Variants in FRMD1 observed in about 807,000 individuals in gnomAD.
FRMD1 encodes the protein FERM domain containing 1.
In FRMD1, 51 loss-of-function variants were observed where a neutral mutation model predicts 54.9. That is an observed-to-expected ratio of 0.93 (90% CI 0.74 to 1.17). The LOEUF (loss-of-function observed/expected upper bound fraction) is 1.17. FRMD1 is among the 50% of genes most tolerant of loss of function. The probability of loss-of-function intolerance (pLI) is 0.00; values close to 1 mark genes in which losing one functional copy is unlikely to be tolerated. For missense variants in FRMD1, 729 were observed against 743.0 expected (o/e 0.98, Z 0.22); for synonymous variants, 324 against 306.4 (o/e 1.06, Z -0.60).
At chr6:168,065,466 C>T (rs1799981055) in intron 4 of FRMD1, 7 of 1,000,600 alleles carry the variant, frequency 7.0e-6, no homozygotes, top group Admixed American at 1.2e-4. Flanking sequence ...GAGCTCACCG[C>T]CCAGCACGGG....
At chr6:168,080,737 G>A (rs534334086), upstream of FRMD1, among the ~76,000 whole-genome samples, 15 of 152,222 alleles carry the variant, frequency 9.9e-5, no homozygotes, top group Admixed American at 8.5e-4. Context: ...GGGGAGAGCC[G>A]GGGACACGGT....
intron 1 of FRMD1, among the ~76,000 whole-genome samples, chr6:168,088,744 C>G (rs1185101419): frequency 6.6e-6 from 1 of 152,078 alleles, no homozygotes; most frequent in Non-Finnish European, 1.5e-5. Context: ...CCCAGGCTAC[C>G]CTCTTACTGC....
At chr6:168,082,663 G>C (rs551763851), upstream of FRMD1, among the ~76,000 whole-genome samples, 1 of 152,148 alleles carries the variant, frequency 6.6e-6, no homozygotes, top group Admixed American at 6.5e-5. Flanking sequence ...CAGGATTCCC[G>C]AGACCCACCG....
At position 168,059,289 on chromosome 6, in the gene FRMD1, C is replaced by T. The variant is rs905087009; in HGVS notation, c.1343-101G>A. On this transcript the variant is annotated intron_variant, in intron 9 of 10. Coordinates refer to ENST00000283309, the MANE Select transcript of FRMD1 (RefSeq NM_024919.6). The surrounding 1 kb of genome is among the most constrained non-coding windows in gnomAD (Gnocchi z 4.4). ...CACTTCTGGGGCCCTGGTCTCGGAC[C>T]GGCATCTCCTGAGGCTCACACCGCC... The T allele has an allele frequency of 4.2e-5, 41 of 976,782 alleles. No individual in the cohort carries two copies. Among genetic ancestry groups the T allele is most frequent in the Non-Finnish European group, 5.2e-5 (34 of 651,862 alleles). 60.5% of individuals were successfully genotyped at this position (976,782 alleles called of 1,614,324 possible).
At chr6:168,067,175 G>A (rs967173329) in intron 3 of FRMD1, 192 bp downstream of exon 3, 28 of 689,410 alleles carry the variant, frequency 4.1e-5, no homozygotes, top group African/African-American at 1.4e-4. Context: ...AGTCCACCGC[G>A]GTGCCTGCCC....
intron 2 of FRMD1, among the ~76,000 whole-genome samples, chr6:168,075,019 G>C (rs1800515908): frequency 6.6e-6 from 1 of 150,976 alleles, no homozygotes; most frequent in South Asian, 2.1e-4. Flanking sequence ...TGTGGTGTGT[G>C]CATGTGTACA....
intron 2 of FRMD1, among the ~76,000 whole-genome samples, chr6:168,068,708 C>A (rs958312923): frequency 1.3e-5 from 2 of 152,332 alleles, no homozygotes; most frequent in East Asian, 1.9e-4. Flanking sequence ...AACCTGCAGT[C>A]CTGAGAATAA....
upstream of FRMD1, among the ~76,000 whole-genome samples, chr6:168,085,134 G>A (rs1352143403): frequency 1.3e-5 from 2 of 152,232 alleles, no homozygotes; most frequent in Non-Finnish European, 2.9e-5. Flanking sequence ...GGTTGGCCCC[G>A]AATAGAGTCC....
chr6:168,075,419 G>T, intron 1 of FRMD1, 84 bp from the exon 2 acceptor site: 1 of 1,099,416 alleles, frequency 9.1e-7, no homozygotes, highest in Non-Finnish European at 1.4e-6. Flanking sequence ...GCCCAGCGGG[G>T]CACCAGGTGG....
At chr6:168,062,786 G>C (rs770624285) in intron 7 of FRMD1, 108 bp downstream of exon 7, 3 of 1,601,560 alleles carry the variant, frequency 1.9e-6, no homozygotes, top group Non-Finnish European at 2.6e-6. Context: ...GCCAGCCAGC[G>C]CCCATGACCG....
chr6:168,089,835 G>A (rs898419961), intron 1 of FRMD1, among the ~76,000 whole-genome samples: 6 of 152,332 alleles, frequency 3.9e-5, no homozygotes, highest in African/African-American at 1.2e-4. Context: ...GTGAGGGAAA[G>A]CACGTGAGCC....
At chr6:168,088,883 C>T (rs1800967959) in intron 1 of FRMD1, among the ~76,000 whole-genome samples, 1 of 152,064 alleles carries the variant, frequency 6.6e-6, no homozygotes, top group Admixed American at 6.5e-5. Context: ...CCTCCCCACT[C>T]CTTGTGTCCG....
chr6:168,063,385 A>G (rs978322189), intron 6 of FRMD1, among the ~76,000 whole-genome samples: 10 of 148,686 alleles, frequency 6.7e-5, no homozygotes, highest in African/African-American at 2.5e-4. Context: ...ACTCTTAGCC[A>G]TGGGGGCTCC....
upstream of FRMD1, chr6:168,081,850 G>A (rs1483198471): frequency 1.7e-5 from 5 of 301,806 alleles, no homozygotes; most frequent in Admixed American, 4.8e-5. Context: ...TGGCTGCACA[G>A]TTCCTAAATG....
intron 2 of FRMD1, among the ~76,000 whole-genome samples, chr6:168,067,988 T>G (rs1312637161): frequency 6.6e-5 from 10 of 150,458 alleles, no homozygotes; most frequent in Non-Finnish European, 1.3e-4. Flanking sequence ...GGTGCATGCC[T>G]GTAGTCCTAG....
upstream of FRMD1, among the ~76,000 whole-genome samples, chr6:168,086,005 A>G (rs1166388488): frequency 6.6e-6 from 1 of 152,248 alleles, no homozygotes; most frequent in African/African-American, 2.4e-5. Context: ...AGAGTAGAAC[A>G]TAGAATTCAC....
At chr6:168,092,810 C>G (rs1006768341) in intron 1 of FRMD1, among the ~76,000 whole-genome samples, 4 of 152,250 alleles carry the variant, frequency 2.6e-5, no homozygotes, top group Admixed American at 1.3e-4. Flanking sequence ...ACCTCTGCGG[C>G]AGCCACCCCG....
rs1435147536 is a variant in FRMD1 at position 168,061,997 on chromosome 6, A to C, written c.871-16T>G. ...GCTTCTTTCCCTGAGCAAACAGGAGAGAAGTTGCCACTCCACAGGTGGAAA... is the reference window on the plus strand; with the variant it reads ...GCTTCTTTCCCTGAGCAAACAGGAGCGAAGTTGCCACTCCACAGGTGGAAA... On this transcript the variant is annotated splice_polypyrimidine_tract_variant and intron_variant, in intron 7 of 10. Transcript: ENST00000283309. The C allele has an allele frequency of 1.3e-6, 2 of 1,579,274 alleles. No individual in the cohort carries two copies. The highest frequency in any genetic ancestry group is 2.3e-5 in the South Asian group (2 of 87,036).
chr6:168,089,089 A>G (rs1318923400), intron 1 of FRMD1, among the ~76,000 whole-genome samples: 2 of 152,242 alleles, frequency 1.3e-5, no homozygotes, highest in African/African-American at 4.8e-5. Flanking sequence ...CACCAGGGCC[A>G]TACACAGGGG....
Sources: gnomAD v4.1 joint callset for allele counts (sites outside exome capture counted in the v4.1 genomes callset) on GRCh38, gnomAD v4.1.1 for gene constraint, Gnocchi (gnomAD v3.1) non-coding constraint, MANE v1.5 for transcripts, NCBI Gene and HGNC (gene_info 2026-07-23, HGNC 2026-07-21) for gene names.